UGDH: variants seen among roughly 807,000 people sequenced by gnomAD.
UGDH encodes UDP-glucose 6-dehydrogenase, also known as UDP-Glc dehydrogenase.
Under a neutral mutation model 50.6 loss-of-function variants are expected in UGDH, and 38 were observed. The ratio of observed to expected loss-of-function variants is 0.75; its 90% CI spans 0.58 to 0.98. The LOEUF (loss-of-function observed/expected upper bound fraction) is 0.98, where lower values mean the gene tolerates loss of function less well. Among genes scored for constraint, UGDH ranks in the 50% least tolerant of loss-of-function variants. The probability of loss-of-function intolerance (pLI) is 0.00; values close to 1 mark genes in which losing one functional copy is unlikely to be tolerated. For synonymous variants in UGDH, 168 were observed against 199.9 expected (o/e 0.84, Z 1.35); for missense variants, 465 against 606.2 (o/e 0.77, Z 2.45).
chr4:39,500,087 G>T lies in UGDH; in HGVS notation c.*56C>A. Reference sequence around the variant, plus strand: ...ACCATTTAATAGCAGATAGATATTTGCTATCCTGAAGTACCAAAAAAAAAA... The same window carrying T: ...ACCATTTAATAGCAGATAGATATTTTCTATCCTGAAGTACCAAAAAAAAAA... On this transcript the variant is annotated 3_prime_UTR_variant, in exon 12 of 12. Coordinates refer to ENST00000316423, the MANE Select transcript of UGDH (RefSeq NM_003359.4). The T allele has an allele frequency of 8.9e-6, 9 of 1,009,676 alleles. No homozygotes were observed. Among genetic ancestry groups the T allele is most frequent in the Non-Finnish European group, 1.3e-5 (9 of 689,036 alleles). 62.5% of individuals were successfully genotyped at this position (1,009,676 alleles called of 1,614,324 possible).
rs575278081 is a variant in UGDH at position 39,509,224 on chromosome 4, C to T, written c.811+536G>A. On this transcript the variant is annotated intron_variant, in intron 6 of 11. Transcript: ENST00000316423. ...CAAACTCCTAGGCTCAAGCAATTTG[C>T]CCGCCTTGGCCTCAGACTCCCAAAG... is the stretch of plus-strand genomic sequence containing the variant. Among the ~76,000 whole-genome samples the T allele has an allele frequency of 2.0e-5, 3 of 151,734 alleles. No homozygotes were observed. In the East Asian group the frequency reaches 5.8e-4, roughly 29 times the overall value.
At position 39,509,827 on chromosome 4, in the gene UGDH, T is replaced by C. The variant is rs781494670; in HGVS notation, c.744A>G (p.Val248=). ...TTCCAATCGCTGTTGCTACCTCTTC[T>C]ACATCAGCTCCTGTTGCTTCACACA... ...SALCEATGAD[V]EEVATAIGMD... is the part of the protein sequence containing the mutation. Residue 248 remains valine (V), a synonymous_variant, in exon 6 of 12, where the codon GTA becomes GTG. Coordinates refer to ENST00000316423, the MANE Select transcript of UGDH (RefSeq NM_003359.4). The C allele has an allele frequency of 6.8e-6, 11 of 1,613,636 alleles. No homozygotes were observed. Among genetic ancestry groups the C allele is most frequent in the Non-Finnish European group, 8.5e-6 (10 of 1,179,986 alleles).
chr4:39,511,766 G>A (rs1746255138), intron 3 of UGDH, among the ~76,000 whole-genome samples: 1 of 149,068 alleles, frequency 6.7e-6, no homozygotes, highest in African/African-American at 2.5e-5. Context: ...CTGGAGTGCA[G>A]TGGCGCGATC....
At position 39,510,555 on chromosome 4, in the gene UGDH, A is replaced by C; in HGVS notation, c.466-5T>G. On this transcript the variant is annotated splice_polypyrimidine_tract_variant and splice_region_variant and intron_variant, in intron 4 of 11. Coordinates refer to ENST00000316423, the MANE Select transcript of UGDH (RefSeq NM_003359.4). Reference sequence around the variant, plus strand: ...AAACTCAGGGTTGGACAGCACCTAGAATCCCAATGCAAAGGAAAGTTTTAA... The same window carrying C: ...AAACTCAGGGTTGGACAGCACCTAGCATCCCAATGCAAAGGAAAGTTTTAA... The C allele has an allele frequency of 1.2e-6, 2 of 1,614,170 alleles. No individual in the cohort carries two copies. The highest frequency in any genetic ancestry group is 1.7e-6 in the Non-Finnish European group (2 of 1,180,002).
rs1746202151 is a variant in UGDH, at chr4:39,510,523, C to T, written c.493G>A (p.Glu165Lys). 3.1e-6 allele frequency: 5 copies of T among 1,614,078 alleles called. No individual in the cohort carries two copies. Among genetic ancestry groups the T allele is most frequent in the African/African-American group, 1.3e-5 (1 of 74,936 alleles). The change falls in exon 5 of 12, where the codon GAG becomes AAG. Residue 165 changes from glutamate (E) to lysine (K), a missense_variant. Transcript: ENST00000316423. ...TTTAGGTCCTTGATGGCTGTTCCCT[C>T]TGCCAGAAACTCAGGGTTGGACAGC... ...QVLSNPEFLA[E>K]GTAIKDLKNP... is the part of the protein sequence containing the mutation.
Position 39,521,386 on chromosome 4 carries a change from T to C in UGDH, c.127A>G (p.Asn43Asp). ...TVVDVNESRI[N>D]AWNSPTLPIY... is the part of the protein sequence containing the mutation. ...GGAAGTGTAGGAGAATTCCACGCAT[T>C]GATTCTTGATTCATTGACATCAACA... is the stretch of plus-strand genomic sequence containing the variant. Residue 43 changes from asparagine (N) to aspartate (D), a missense_variant, in exon 2 of 12, where the codon AAT becomes GAT. Asn to Asp is a conservative substitution (Grantham distance 23). Coordinates refer to ENST00000316423, the MANE Select transcript of UGDH (RefSeq NM_003359.4). 6.2e-7 allele frequency: 1 copy of C among 1,611,842 alleles called. No homozygotes were observed. The highest frequency in any genetic ancestry group is 8.5e-7 in the Non-Finnish European group (1 of 1,179,062).
chr4:39,519,005 C>T (rs1273091612), intron 2 of UGDH, among the ~76,000 whole-genome samples: 2 of 152,128 alleles, frequency 1.3e-5, no homozygotes, highest in Non-Finnish European at 2.9e-5. Flanking sequence ...CAACCTCTGC[C>T]TCCCAGGTTC....
intron 3 of UGDH, among the ~76,000 whole-genome samples, chr4:39,513,531 C>CTTTTTTTT (rs10707997): frequency 2.3e-5 from 2 of 88,006 alleles, no homozygotes; most frequent in African/African-American, 4.3e-5. Context: ...TTTCCTAGTT[C>CTTTTTTTT]TTTTTTTTTT....
At chr4:39,526,853 C>T (rs562689430) in intron 1 of UGDH, among the ~76,000 whole-genome samples, 1 of 152,154 alleles carries the variant, frequency 6.6e-6, no homozygotes, top group Non-Finnish European at 1.5e-5. Context: ...TTAAGAGGGG[C>T]GGCATGAGAA....
At chr4:39,525,289 G>A (rs1746829080) in intron 1 of UGDH, among the ~76,000 whole-genome samples, 2 of 152,122 alleles carry the variant, frequency 1.3e-5, no homozygotes, top group African/African-American at 4.8e-5. Flanking sequence ...CGTCTCCTGG[G>A]TTCAAGCAAT....
chr4:39,500,649 TTC>T (rs558555756), intron 11 of UGDH, among the ~76,000 whole-genome samples: 1 of 119,870 alleles, frequency 8.3e-6, no homozygotes, highest in African/African-American at 3.1e-5. Context: ...AACAGCATAA[TTC>T]TCTTTTTTTT....
chr4:39,523,275 C>G (rs1460075956), intron 1 of UGDH, among the ~76,000 whole-genome samples: 1 of 151,860 alleles, frequency 6.6e-6, no homozygotes, highest in African/African-American at 2.4e-5. Flanking sequence ...TGGTCTCGAA[C>G]TCCTGAGCTC....
At chr4:39,519,021 A>G (rs1386726234) in intron 2 of UGDH, among the ~76,000 whole-genome samples, 1 of 151,964 alleles carries the variant, frequency 6.6e-6, no homozygotes, top group Non-Finnish European at 1.5e-5. Flanking sequence ...GGTTCAAGCA[A>G]TTCTCTCGCC....
rs905402210 is a variant in UGDH at position 39,523,532 on chromosome 4, C to A, written c.-7-2013G>T. 2.6e-5 allele frequency among the ~76,000 whole-genome samples: 4 copies of A among 152,046 alleles called. No homozygotes were observed. The East Asian group carries it at 7.7e-4, about 29-fold the overall frequency. On this transcript the variant is annotated intron_variant, in intron 1 of 11. Transcript: ENST00000316423. ...AAAAATTATTTATTCTGGCCAGGCA[C>A]GGTGGCTCATGCCTGTAATCCCAGC...
rs1745898146 is a variant in UGDH, at chr4:39,503,305, T to C, written c.1374+570A>G. 3.3e-5 allele frequency among the ~76,000 whole-genome samples: 5 copies of C among 152,266 alleles called. No individual in the cohort carries two copies. In the South Asian group the frequency reaches 1.0e-3, roughly 32 times the overall value. On this transcript the variant is annotated intron_variant, in intron 11 of 11. Transcript: ENST00000316423. ...CCTTAAGTGGTCTACCTCCACAGCC[T>C]CCCAAAGTGCTGGGATTACAGGTGT... is the stretch of plus-strand genomic sequence containing the variant.
At chr4:39,508,527 C>T (rs544168767) in intron 7 of UGDH, 39 bp downstream of exon 7, 2 of 1,588,208 alleles carry the variant, frequency 1.3e-6, no homozygotes, top group African/African-American at 2.7e-5. Flanking sequence ...AACCACTATG[C>T]CTGGCTAAAC....
chr4:39,519,831 T>C (rs1432392837), intron 2 of UGDH, among the ~76,000 whole-genome samples: 1 of 152,010 alleles, frequency 6.6e-6, no homozygotes, highest in African/African-American at 2.4e-5. Context: ...TGAGCCACCG[T>C]GCCGCCAATA....
chr4:39,514,189 A>G lies in UGDH; in HGVS notation c.163-5T>C. ...TACCACTTCTTTTAGTCCTGGCTAA[A>G]AAGAAAAAAGAAAAGGAATTGTACA... On this transcript the variant is annotated splice_region_variant and splice_polypyrimidine_tract_variant and intron_variant, in intron 2 of 11. Transcript: ENST00000316423. The G allele has an allele frequency of 7.1e-7, 1 of 1,411,018 alleles. No homozygotes were observed. The highest frequency in any genetic ancestry group is 9.1e-7 in the Non-Finnish European group (1 of 1,097,420). 87.4% of individuals were successfully genotyped at this position (1,411,018 alleles called of 1,614,324 possible). A position where few individuals can be genotyped will look rare whatever the true frequency, so the allele number is the denominator to read the frequency against.
chr4:39,507,021 C>T (rs748169429), intron 7 of UGDH, among the ~76,000 whole-genome samples: 15 of 152,126 alleles, frequency 9.9e-5, no homozygotes, highest in East Asian at 1.9e-4. Flanking sequence ...AAAAAAGAAA[C>T]GTGCATTTCT....
Sources: allele counts gnomAD v4.1 joint callset (sites outside exome capture counted in the v4.1 genomes callset), GRCh38; gene constraint gnomAD v4.1.1; transcripts MANE v1.5; gene names NCBI Gene and HGNC (gene_info 2026-07-23, HGNC 2026-07-21).